The following DEAF1 variants were observed in gnomAD, a reference collection of about 807,000 sequenced individuals.
The protein encoded by DEAF1 is DEAF1 transcription factor.
In DEAF1, 53 loss-of-function variants were observed where a neutral mutation model predicts 58.9. The ratio of observed to expected loss-of-function variants is 0.90; its 90% CI spans 0.72 to 1.13. The LOEUF is 1.13. Ranked by LOEUF, DEAF1 falls within the 50% of genes most tolerant of loss-of-function variation. The pLI, the probability that DEAF1 is intolerant of heterozygous loss-of-function variation, is 0.00. For missense variants in DEAF1, 685 were observed against 791.4 expected (o/e 0.87, Z 1.61); for synonymous variants, 385 against 340.4 (o/e 1.13, Z -1.44).
chr11:650,169 G>A (rs1465705705), intron 11 of DEAF1, among the ~76,000 whole-genome samples: 9 of 151,920 alleles, frequency 5.9e-5, no homozygotes, highest in Admixed American at 5.9e-4. Context: ...GAGGTCAGGA[G>A]TTTGAGACCA....
chr11:671,760 G>A (rs1336778672), intron 10 of DEAF1, among the ~76,000 whole-genome samples: 6 of 139,382 alleles, frequency 4.3e-5, no homozygotes, highest in African/African-American at 1.3e-4. Flanking sequence ...GCATGCACCC[G>A]TATTTCCAGG....
chr11:704,500 C>T (rs755780125), intron 1 of DEAF1: 30 of 1,289,146 alleles, frequency 2.3e-5, no homozygotes, highest in South Asian at 3.7e-5. Flanking sequence ...AGCGCCTGAG[C>T]GCCTCGGGCC....
At chr11:695,924 C>A, upstream of DEAF1, 1 of 1,107,780 alleles carries the variant, frequency 9.0e-7, no homozygotes, top group Non-Finnish European at 1.1e-6. Flanking sequence ...ATCCGGTTTC[C>A]GCTTTCGGTG....
intron 6 of DEAF1, 132 bp from the exon 7 acceptor site, chr11:681,221 C>G: frequency 7.8e-7 from 1 of 1,274,046 alleles, no homozygotes; most frequent in Non-Finnish European, 1.1e-6. Context: ...ATGGTAAGCG[C>G]CCCTAAAGAT....
chr11:650,954 T>TA (rs2133279332), intron 11 of DEAF1, among the ~76,000 whole-genome samples: 2 of 152,100 alleles, frequency 1.3e-5, no homozygotes, highest in African/African-American at 4.8e-5. Context: ...TCTATGCTAC[T>TA]ATCAGAAAAG....
intron 4 of DEAF1, among the ~76,000 whole-genome samples, chr11:687,496 GTCGTTGTTGT>G (rs1260045420): frequency 1.3e-5 from 2 of 152,160 alleles, no homozygotes; most frequent in Non-Finnish European, 2.9e-5. Flanking sequence ...TTTTTTTGTT[GTCGTTGTTGT>G]TGAGACGGAG....
chr11:696,036 C>T (rs10902195), upstream of DEAF1, among the ~76,000 whole-genome samples: 42,642 of 151,830 alleles, frequency 0.28, 6,242 homozygotes, highest in Non-Finnish European at 0.32. Flanking sequence ...CGTCCTGCAC[C>T]CCGAAGAGCT....
At chr11:681,707 G>T (rs553374720) in intron 6 of DEAF1, among the ~76,000 whole-genome samples, 1 of 151,922 alleles carries the variant, frequency 6.6e-6, no homozygotes, top group African/African-American at 2.4e-5. Flanking sequence ...ACCACGCCCG[G>T]CCGACTTTTT....
At chr11:695,841 G>A, upstream of DEAF1, 3 of 1,230,196 alleles carry the variant, frequency 2.4e-6, no homozygotes, top group African/African-American at 1.6e-5. Context: ...GCGGCCCCGC[G>A]GCGAGGTGAG....
rs1183518831 is a variant in DEAF1 at position 688,931 on chromosome 11, G to A, written c.388-471C>T. ...GCTGAAGCTGCTGCAACTGCTGCCT[G>A]CTTCCAAAATCAGCCTTCAGGCGGC... is the stretch of plus-strand genomic sequence containing the variant. On this transcript the variant is annotated intron_variant, in intron 2 of 11. Coordinates refer to ENST00000382409, the MANE Select transcript of DEAF1 (RefSeq NM_021008.4). This position sits in a 1 kb window ranked among gnomAD's most constrained non-coding sequence, Gnocchi z 4.3. Among the ~76,000 whole-genome samples the A allele has an allele frequency of 6.6e-6, 1 of 152,154 alleles. No homozygotes were observed. Among genetic ancestry groups the A allele is most frequent in the Admixed American group, 6.5e-5 (1 of 15,274 alleles).
At chr11:656,715 G>A (rs1269401007) in intron 10 of DEAF1, among the ~76,000 whole-genome samples, 1 of 152,230 alleles carries the variant, frequency 6.6e-6, no homozygotes, top group Non-Finnish European at 1.5e-5. Context: ...CACACACCAG[G>A]ACGTCCTGTA....
chr11:680,802 G>A (rs556880621), intron 7 of DEAF1, among the ~76,000 whole-genome samples, 161 bp downstream of exon 7: 4 of 152,204 alleles, frequency 2.6e-5, no homozygotes, highest in South Asian at 2.1e-4. Flanking sequence ...CTTCCCACCC[G>A]GGGGACGCAC....
chr11:704,585 AC>A (rs1268792732), intron 1 of DEAF1: 7 of 1,280,384 alleles, frequency 5.5e-6, no homozygotes, highest in Non-Finnish European at 7.1e-6. Context: ...CAGCCCACAA[AC>A]CATGCAGACC....
chr11:651,746 CGTGGTGGCGGGT>C (rs1350390923), intron 11 of DEAF1, among the ~76,000 whole-genome samples: 2 of 152,120 alleles, frequency 1.3e-5, no homozygotes, highest in African/African-American at 4.8e-5. Flanking sequence ...ATCAGCCGGG[CGTGGTGGCGGGT>C]GCCTGTGGTC....
chr11:701,577 A>G (rs1861483603), intron 1 of DEAF1, among the ~76,000 whole-genome samples: 1 of 151,624 alleles, frequency 6.6e-6, no homozygotes, highest in African/African-American at 2.4e-5. Flanking sequence ...CGCCCGGCTC[A>G]TTTTTGTATT....
intron 10 of DEAF1, among the ~76,000 whole-genome samples, chr11:672,901 C>A (rs186706849): frequency 6.6e-6 from 1 of 151,838 alleles, no homozygotes; most frequent in East Asian, 1.9e-4. Flanking sequence ...ATAATCCCAG[C>A]ACTTTAAGAC....
At chr11:663,274 T>A (rs1194189309) in intron 10 of DEAF1, among the ~76,000 whole-genome samples, 1 of 152,110 alleles carries the variant, frequency 6.6e-6, no homozygotes, top group Non-Finnish European at 1.5e-5. Context: ...ACGGCGAAAC[T>A]CCATCTCAAC....
rs747111818 is a variant in DEAF1 at position 674,723 on chromosome 11, G to A, written c.1316C>T (p.Pro439Leu). The change falls in exon 10 of 12, where the codon CCC (proline) becomes CTC (leucine). Residue 439 changes from proline (P) to leucine (L), a missense_variant. By Grantham distance (98) the Pro-to-Leu change is moderately conservative (BLOSUM62 -3). This residue lies in a region of DEAF1 where 343 missense variants were observed against 379.8 expected (regional missense o/e 0.90). Coordinates refer to ENST00000382409, the MANE Select transcript of DEAF1 (RefSeq NM_021008.4). ...PPPTPTKAAP[P>L]ALVNGLELSE... The stretch of plus-strand genomic sequence containing the variant: ...CAGCTCCAGCCCATTGACCAACGCG[G>A]GAGGTGCCGCTTTGGTGGGAGTCGG... 2 of 1,613,902 alleles carry A rather than the reference G, an allele frequency of 1.2e-6. No individual in the cohort carries two copies. The highest frequency in any genetic ancestry group is 2.2e-5 in the South Asian group (2 of 91,088).
At chr11:696,949 C>T (rs1418763709), upstream of DEAF1, among the ~76,000 whole-genome samples, 1 of 149,960 alleles carries the variant, frequency 6.7e-6, no homozygotes, top group East Asian at 2.0e-4. Flanking sequence ...CGTGATGGTG[C>T]ATGCCTGTAA....
Sources: gnomAD v4.1 joint callset for allele counts (sites outside exome capture counted in the v4.1 genomes callset) on GRCh38, gnomAD v4.1.1 for gene constraint, gnomAD v4.1.1 regional missense constraint, Gnocchi (gnomAD v3.1) non-coding constraint, MANE v1.5 for transcripts, NCBI Gene and HGNC (gene_info 2026-07-23, HGNC 2026-07-21) for gene names.